FBL: variants seen among roughly 807,000 people sequenced by gnomAD.
FBL encodes fibrillarin rRNA 2'-O-methyltransferase, also known as rRNA 2'-O-methyltransferase fibrillarin.
A neutral mutation model predicts 42.2 loss-of-function variants in FBL; 10 were observed. The ratio of observed to expected loss-of-function variants is 0.24; its 90% CI spans 0.15 to 0.40. The LOEUF (loss-of-function observed/expected upper bound fraction) is 0.40. Ranked by LOEUF, FBL falls within the 10% of genes least tolerant of loss-of-function variation. The probability of loss-of-function intolerance (pLI) is 1.00; values close to 1 mark genes in which losing one functional copy is unlikely to be tolerated. For synonymous variants in FBL, 165 were observed against 165.4 expected (o/e 1.00, Z 0.02); for missense variants, 351 against 439.2 (o/e 0.80, Z 1.79).
At position 39,837,852 on chromosome 19, in the gene FBL, A is replaced by G. The variant is rs770250439; in HGVS notation, c.550-9T>C. The G allele has an allele frequency of 8.1e-6, 13 of 1,612,772 alleles. No homozygotes were observed. The South Asian group carries it at 1.4e-4, about 18-fold the overall frequency. On this transcript the variant is annotated splice_polypyrimidine_tract_variant and intron_variant, in intron 5 of 8. Coordinates refer to ENST00000221801, the MANE Select transcript of FBL (RefSeq NM_001436.4). ...GCATAGACTAGACCATCCTAAAATAAATTAAAAATTAATGAACAGTGATGC... is the reference window on the plus strand; with the variant it reads ...GCATAGACTAGACCATCCTAAAATAGATTAAAAATTAATGAACAGTGATGC...
chr19:39,838,271 T>TG (rs1568540130), intron 5 of FBL: 1 of 156,150 alleles, frequency 6.4e-6, no homozygotes, highest in Non-Finnish European at 1.4e-5. Flanking sequence ...GAGGTTTTTT[T>TG]TTTTTTTTTT....
intron 6 of FBL, among the ~76,000 whole-genome samples, 181 bp downstream of exon 6, chr19:39,837,530 T>A (rs1969073429): frequency 6.6e-6 from 1 of 152,148 alleles, no homozygotes; most frequent in Non-Finnish European, 1.5e-5. Flanking sequence ...CTTCCAAGAC[T>A]CTGAAGCCAA....
At position 39,840,173 on chromosome 19, in the gene FBL, G is replaced by A. The variant is rs148161907; in HGVS notation, c.378+60C>T. ...AGGACACATGGTGAGGGCAGACACA[G>A]ACTACTGGCTACACCCTCAGCTGCG... On this transcript the variant is annotated intron_variant, in intron 4 of 8. Transcript: ENST00000221801. This position sits in a 1 kb window ranked among gnomAD's most constrained non-coding sequence, Gnocchi z 4.5. The A allele has an allele frequency of 1.4e-5, 16 of 1,173,526 alleles. No individual in the cohort carries two copies. The African/African-American group carries it at 2.0e-4, about 14-fold the overall frequency. The allele number at this position is 1,173,526 out of a possible 1,614,324, so 72.7% of individuals were successfully genotyped here. A position where few individuals can be genotyped will look rare whatever the true frequency, so the allele number is the denominator to read the frequency against.
chr19:39,842,665 G>T (rs780293741), intron 1 of FBL, among the ~76,000 whole-genome samples: 1 of 152,062 alleles, frequency 6.6e-6, no homozygotes, highest in Admixed American at 6.6e-5. Flanking sequence ...TCCCTCCAAT[G>T]GTTTTCCACC....
At position 39,840,530 on chromosome 19, in the gene FBL, T is replaced by C; in HGVS notation, c.182-15A>G. The C allele has an allele frequency of 6.2e-7, 1 of 1,613,556 alleles. No homozygotes were observed. The highest frequency in any genetic ancestry group is 8.5e-7 in the Non-Finnish European group (1 of 1,179,882). On this transcript the variant is annotated splice_polypyrimidine_tract_variant and intron_variant, in intron 2 of 8. Coordinates refer to ENST00000221801, the MANE Select transcript of FBL (RefSeq NM_001436.4). The surrounding 1 kb of genome is among the most constrained non-coding windows in gnomAD (Gnocchi z 4.5). Reference sequence around the variant, plus strand: ...GAAGCCTCCACCTATAAAGGAGAGGTACAACAGGAGAGAAAGATCCTGAAT... The same window carrying C: ...GAAGCCTCCACCTATAAAGGAGAGGCACAACAGGAGAGAAAGATCCTGAAT...
intron 1 of FBL, among the ~76,000 whole-genome samples, chr19:39,844,305 A>G (rs760180001): frequency 5.3e-5 from 8 of 152,308 alleles, no homozygotes; most frequent in Admixed American, 3.3e-4. Flanking sequence ...AAGTACTGGC[A>G]TGTGCTTGGG....
At chr19:39,838,978 G>A (rs1248062939) in intron 5 of FBL, 57 bp downstream of exon 5, 10 of 1,491,846 alleles carry the variant, frequency 6.7e-6, no homozygotes, top group Admixed American at 1.9e-5. Flanking sequence ...GATATTCCAG[G>A]TTGGCAGAAG....
intron 1 of FBL, among the ~76,000 whole-genome samples, chr19:39,844,342 C>G (rs932570090): frequency 6.6e-6 from 1 of 152,140 alleles, no homozygotes; most frequent in African/African-American, 2.4e-5. Context: ...TGTAAACTTT[C>G]AATCCCAGAT....
chr19:39,834,855 G>A (rs1969001877), intron 7 of FBL, 42 bp from the exon 8 acceptor site: 2 of 1,607,070 alleles, frequency 1.2e-6, no homozygotes, highest in Admixed American at 1.7e-5. Context: ...AGGGCTTTGG[G>A]CTGTTTTTCT....
rs117130859 is a variant in FBL at position 39,836,755 on chromosome 19, G to A, written c.683-87C>T. On this transcript the variant is annotated intron_variant, in intron 6 of 8. Transcript: ENST00000221801. ...TGGGGCCTATGCCCATCACCAGCAGGTTCCTGGGAGATTCTCCCTGCCTCC... is the reference window on the plus strand; with the variant it reads ...TGGGGCCTATGCCCATCACCAGCAGATTCCTGGGAGATTCTCCCTGCCTCC... 1.3e-5 allele frequency: 12 copies of A among 934,418 alleles called. No homozygotes were observed. The East Asian group carries it at 2.9e-4, about 23-fold the overall frequency. The allele number at this position is 934,418 out of a possible 1,614,324, so 57.9% of individuals were successfully genotyped here. A position where few individuals can be genotyped will look rare whatever the true frequency, so the allele number is the denominator to read the frequency against.
chr19:39,837,036 A>T, intron 6 of FBL, among the ~76,000 whole-genome samples: 1 of 152,342 alleles, frequency 6.6e-6, no homozygotes, highest in African/African-American at 2.4e-5. Flanking sequence ...CTTATAGGCA[A>T]GAGTGTCCGC....
At chr19:39,837,498 G>A (rs1461670234) in intron 6 of FBL, among the ~76,000 whole-genome samples, 1 of 152,140 alleles carries the variant, frequency 6.6e-6, no homozygotes, top group African/African-American at 2.4e-5. Flanking sequence ...TGAAGGAGAA[G>A]AGGTTGGCCC....
chr19:39,846,198 C>T (rs1370607218), intron 1 of FBL, 93 bp downstream of exon 1: 1 of 1,475,068 alleles, frequency 6.8e-7, no homozygotes. Flanking sequence ...ACCCCTGCCC[C>T]CAGGCCAAGG....
At chr19:39,839,414 C>T (rs1050425651) in intron 4 of FBL, among the ~76,000 whole-genome samples, 1 of 152,192 alleles carries the variant, frequency 6.6e-6, no homozygotes, top group Non-Finnish European at 1.5e-5. Context: ...TAAACACAAA[C>T]AGTAACAGTA....
intron 4 of FBL, 72 bp from the exon 5 acceptor site, chr19:39,839,277 G>T (rs1290487437): frequency 7.7e-7 from 1 of 1,295,190 alleles, no homozygotes; most frequent in Non-Finnish European, 1.1e-6. Flanking sequence ...AACCCTAGGA[G>T]CCTTGAAAGG....
At chr19:39,843,499 A>G (rs1479185811) in intron 1 of FBL, among the ~76,000 whole-genome samples, 2 of 152,236 alleles carry the variant, frequency 1.3e-5, no homozygotes, top group Non-Finnish European at 2.9e-5. Context: ...GCCACGCGCC[A>G]TAGCTCATGC....
At chr19:39,839,337 G>C (rs1969112843) in intron 4 of FBL, 132 bp from the exon 5 acceptor site, 1 of 689,332 alleles carries the variant, frequency 1.5e-6, no homozygotes, top group African/African-American at 1.8e-5. Context: ...GTAAAGAGCA[G>C]TGACCATGCA....
At chr19:39,837,194 G>T (rs1458547156) in intron 6 of FBL, among the ~76,000 whole-genome samples, 1 of 152,204 alleles carries the variant, frequency 6.6e-6, no homozygotes, top group Non-Finnish European at 1.5e-5. Flanking sequence ...GTGGTATAAT[G>T]AAAACTGATT....
At chr19:39,845,824 G>T (rs1413387257) in intron 1 of FBL, among the ~76,000 whole-genome samples, 1 of 152,206 alleles carries the variant, frequency 6.6e-6, no homozygotes. Context: ...CGGGATAAGG[G>T]GATGGTGGTG....
Sources: allele counts gnomAD v4.1 joint callset (sites outside exome capture counted in the v4.1 genomes callset), GRCh38; gene constraint gnomAD v4.1.1; non-coding constraint Gnocchi (gnomAD v3.1); transcripts MANE v1.5; gene names NCBI Gene and HGNC (gene_info 2026-07-23, HGNC 2026-07-21).